The following ARHGEF3 variants were observed in gnomAD, a reference collection of about 807,000 sequenced individuals.
The protein encoded by ARHGEF3 is Rho guanine nucleotide exchange factor 3.
In ARHGEF3, 28 loss-of-function variants were observed where a neutral mutation model predicts 63.2. The ratio of observed to expected loss-of-function variants is 0.44; its 90% CI spans 0.33 to 0.61. The LOEUF (loss-of-function observed/expected upper bound fraction) is 0.61. Ranked by LOEUF, ARHGEF3 falls within the 20% of genes least tolerant of loss-of-function variation. ARHGEF3 has a pLI of 0.03. For synonymous variants in ARHGEF3, 266 were observed against 254.2 expected (o/e 1.05, Z -0.44); for missense variants, 533 against 659.3 (o/e 0.81, Z 2.10).
chr3:56,812,439 T>G (rs2038099518), intron 4 of ARHGEF3, among the ~76,000 whole-genome samples: 1 of 152,212 alleles, frequency 6.6e-6, no homozygotes, highest in Non-Finnish European at 1.5e-5. Flanking sequence ...CCAGGAAGGC[T>G]GAAACTAGTG....
At chr3:57,037,197 A>ATT (rs1248237950) in intron 1 of ARHGEF3, among the ~76,000 whole-genome samples, 1 of 152,190 alleles carries the variant, frequency 6.6e-6, no homozygotes, top group African/African-American at 2.4e-5. Flanking sequence ...TCCCAGAAGA[A>ATT]GAAAAGATGG....
intron 2 of ARHGEF3, among the ~76,000 whole-genome samples, chr3:57,031,465 A>G (rs1703731791): frequency 6.6e-6 from 1 of 152,144 alleles, no homozygotes; most frequent in African/African-American, 2.4e-5. Flanking sequence ...AACATCCCCA[A>G]TGACCCACTG....
In ARHGEF3 at chr3:57,040,474, CAAAAGAAAAG is replaced by C. The variant is rs145206230; in HGVS notation, c.-27-5308_-27-5299del. 6.2e-5 allele frequency among the ~76,000 whole-genome samples: 9 copies of C among 144,506 alleles called. 1 individual carries two copies. Among genetic ancestry groups the C allele is most frequent in the South Asian group, 4.5e-4 (2 of 4,486 alleles). The allele number at this position is 144,506 out of a possible 152,430, so 94.8% of individuals were successfully genotyped here. A position where few individuals can be genotyped will look rare whatever the true frequency, so the allele number is the denominator to read the frequency against. On this transcript the variant is annotated intron_variant, in intron 1 of 12. Transcript: ENST00000338458. ...CCTGGGCGACAGAATAAGACTCCGT[CAAAAGAAAAG>C]AAAAGAAAAGAAAAGAAAATACCAA...
chr3:56,938,350 A>G (rs1387402513), intron 3 of ARHGEF3, among the ~76,000 whole-genome samples: 2 of 152,228 alleles, frequency 1.3e-5, no homozygotes, highest in African/African-American at 4.8e-5. Flanking sequence ...ATTAATGATT[A>G]TTAGTTTTTA....
intron 4 of ARHGEF3, among the ~76,000 whole-genome samples, chr3:56,825,421 G>A (rs961036538): frequency 3.3e-5 from 5 of 152,190 alleles, no homozygotes; most frequent in African/African-American, 9.7e-5. Context: ...ATAGTCAGCA[G>A]TTGGGAAGAG....
At position 56,755,848 on chromosome 3, in the gene ARHGEF3, G is replaced by A. The variant is rs76670894; in HGVS notation, c.205-697C>T. 6.2e-3 allele frequency among the ~76,000 whole-genome samples: 941 copies of A among 152,320 alleles called. 5 individuals carry two copies. The highest frequency in any genetic ancestry group is 0.021 in the African/African-American group (888 of 41,560). On this transcript the variant is annotated intron_variant, in intron 2 of 9. Coordinates refer to ENST00000296315, the MANE Select transcript of ARHGEF3 (RefSeq NM_019555.3). ...AGAGAATAAAGAGACCCAGAATGAA[G>A]GATGGAGTGACCAATGGAGGCAGGA...
intron 1 of ARHGEF3, among the ~76,000 whole-genome samples, chr3:57,042,686 ATATATATATATATATT>A (rs1704260369): frequency 3.9e-4 from 3 of 7,662 alleles, no homozygotes; most frequent in African/African-American, 7.8e-4. Flanking sequence ...ATATATATAT[ATATATATATATATATT>A]TTTTTTTTTT....
At chr3:56,768,117 C>G (rs150507623) in intron 2 of ARHGEF3, among the ~76,000 whole-genome samples, 2,004 of 152,192 alleles carry the variant, frequency 0.013, 45 homozygotes, top group African/African-American at 0.045. Flanking sequence ...AGTACAGTGG[C>G]GCAATCTCTG....
intron 1 of ARHGEF3, chr3:57,075,151 TA>T (rs1402911478): frequency 6.0e-6 from 1 of 167,186 alleles, no homozygotes; most frequent in African/African-American, 2.4e-5. Flanking sequence ...GCTCCAATGC[TA>T]TCTCCTCAGA....
At chr3:57,027,754 G>A (rs1335188899) in intron 2 of ARHGEF3, among the ~76,000 whole-genome samples, 2 of 152,126 alleles carry the variant, frequency 1.3e-5, no homozygotes, top group African/African-American at 4.8e-5. Flanking sequence ...AGCTACTCAG[G>A]AGGCTGAGGC....
chr3:56,859,899 AC>A (rs1191095365), intron 4 of ARHGEF3, among the ~76,000 whole-genome samples: 1 of 151,672 alleles, frequency 6.6e-6, no homozygotes, highest in East Asian at 1.9e-4. Flanking sequence ...TGGTTCACAC[AC>A]CTGTAATCCC....
chr3:57,020,436 G>A (rs1703207645), intron 2 of ARHGEF3, among the ~76,000 whole-genome samples: 1 of 152,116 alleles, frequency 6.6e-6, no homozygotes, highest in Admixed American at 6.6e-5. Context: ...CCTTCCCATT[G>A]GGGGACCACC....
chr3:56,944,388 A>G (rs866919952), intron 3 of ARHGEF3, among the ~76,000 whole-genome samples: 1 of 152,040 alleles, frequency 6.6e-6, no homozygotes, highest in Non-Finnish European at 1.5e-5. Flanking sequence ...TCCAACCCTC[A>G]TGGATGACAT....
At chr3:57,042,255 T>G (rs1169304619) in intron 1 of ARHGEF3, among the ~76,000 whole-genome samples, 1 of 150,486 alleles carries the variant, frequency 6.6e-6, no homozygotes, top group East Asian at 2.0e-4. Flanking sequence ...GGAGAAATAA[T>G]GACTGATTGG....
intron 2 of ARHGEF3, among the ~76,000 whole-genome samples, chr3:56,959,145 G>A (rs546490887): frequency 2.0e-5 from 3 of 152,018 alleles, no homozygotes; most frequent in Non-Finnish European, 2.9e-5. Context: ...AATCTAACAC[G>A]CAACCTGGAT....
At chr3:56,957,749 T>C (rs1700105540) in intron 3 of ARHGEF3, among the ~76,000 whole-genome samples, 1 of 152,104 alleles carries the variant, frequency 6.6e-6, no homozygotes, top group African/African-American at 2.4e-5. Context: ...CCCGGAGCAG[T>C]GTGTGTAGGA....
At chr3:57,073,801 G>A (rs1238675598) in intron 1 of ARHGEF3, 4 of 1,614,108 alleles carry the variant, frequency 2.5e-6, no homozygotes, top group Non-Finnish European at 3.4e-6. Flanking sequence ...CCACCCAGAG[G>A]CCTTGGGTCA....
At chr3:56,731,004 T>C (rs373730342) in intron 9 of ARHGEF3, among the ~76,000 whole-genome samples, 26 of 152,334 alleles carry the variant, frequency 1.7e-4, no homozygotes, top group African/African-American at 6.3e-4. Flanking sequence ...AAGAACCTAC[T>C]TTATATGGTT....
chr3:57,052,049 T>G (rs1704695050), intron 1 of ARHGEF3, among the ~76,000 whole-genome samples: 1 of 152,196 alleles, frequency 6.6e-6, no homozygotes, highest in Non-Finnish European at 1.5e-5. Context: ...TCTAAGTGCT[T>G]TATGGTAATT....
Sources: allele counts gnomAD v4.1 joint callset (sites outside exome capture counted in the v4.1 genomes callset), GRCh38; gene constraint gnomAD v4.1.1; transcripts MANE v1.5; gene names NCBI Gene and HGNC (gene_info 2026-07-23, HGNC 2026-07-21).